The following ACSF3 variants were observed in gnomAD, a reference collection of about 807,000 sequenced individuals.
The protein encoded by ACSF3 is malonate--CoA ligase ACSF3, mitochondrial.
In ACSF3, 78 loss-of-function variants were observed where a neutral mutation model predicts 53.2. The ratio of observed to expected loss-of-function variants is 1.47; its 90% CI spans 1.22 to 1.77. The LOEUF (loss-of-function observed/expected upper bound fraction) is 1.77, where lower values mean the gene tolerates loss of function less well. Ranked by LOEUF, ACSF3 falls within the 40% of genes most tolerant of loss-of-function variation. The pLI, the probability that ACSF3 is intolerant of heterozygous loss-of-function variation, is 0.00. For synonymous variants in ACSF3, 414 were observed against 333.1 expected (o/e 1.24, Z -2.65); for missense variants, 937 against 771.1 (o/e 1.22, Z -2.55).
At position 89,155,400 on chromosome 16, in the gene ACSF3, G is replaced by T. The variant is rs772527375; in HGVS notation, c.*1193G>T. On this transcript the variant is annotated 3_prime_UTR_variant, in exon 11 of 11. Transcript: ENST00000614302. ...GCCCCATCTCAGGCTCACATGCCTC[G>T]CGGACAGTTGGACGTGGCCTGGGGC... 1 of 453,410 alleles carries T rather than the reference G, an allele frequency of 2.2e-6. No homozygotes were observed. Among genetic ancestry groups the T allele is most frequent in the Non-Finnish European group, 4.4e-6 (1 of 226,166 alleles). 28.1% of individuals were successfully genotyped at this position (453,410 alleles called of 1,614,324 possible).
At position 89,154,755 on chromosome 16, in the gene ACSF3, G is replaced by C; in HGVS notation, c.*548G>C. The C allele has an allele frequency of 2.2e-6, 1 of 454,120 alleles. No homozygotes were observed. Among genetic ancestry groups the C allele is most frequent in the Non-Finnish European group, 4.4e-6 (1 of 226,788 alleles). 28.1% of individuals were successfully genotyped at this position (454,120 alleles called of 1,614,324 possible). On this transcript the variant is annotated 3_prime_UTR_variant, in exon 11 of 11. Coordinates refer to ENST00000614302, the MANE Select transcript of ACSF3 (RefSeq NM_001243279.3). ...GTCCCATGGGTTCCGTGCATTTCCT[G>C]GTGCTGCTCTTGGAGGAGAGCAGCT...
chr16:89,105,692 G>A (rs933653860), intron 4 of ACSF3, among the ~76,000 whole-genome samples: 5 of 152,246 alleles, frequency 3.3e-5, no homozygotes, highest in African/African-American at 1.2e-4. Flanking sequence ...GGGCGCTGAC[G>A]GTGGCTGGTC....
At chr16:89,103,645 C>CTA (rs1444104485) in intron 4 of ACSF3, among the ~76,000 whole-genome samples, 1 of 152,202 alleles carries the variant, frequency 6.6e-6, no homozygotes, top group Non-Finnish European at 1.5e-5. Context: ...ACCCTTTGAG[C>CTA]TATGATGTGG....
intron 3 of ACSF3, 108 bp downstream of exon 3, chr16:89,101,455 A>G: frequency 1.3e-6 from 2 of 1,535,706 alleles, no homozygotes; most frequent in South Asian, 2.4e-5. Context: ...AGTCATTCAC[A>G]GTTGTCACCA....
At chr16:89,118,561 A>AAGAGAG (rs34894187) in intron 6 of ACSF3, among the ~76,000 whole-genome samples, 3 of 151,834 alleles carry the variant, frequency 2.0e-5, no homozygotes, top group East Asian at 1.9e-4. Flanking sequence ...CCGTGCTCGG[A>AAGAGAG]AGAGAGAGAA....
rs144841194 is a variant in ACSF3 at position 89,106,216 on chromosome 16, C to T, written c.822+3457C>T. On this transcript the variant is annotated intron_variant, in intron 4 of 10. Transcript: ENST00000614302. ...ACACGGGAAAGCCTCAGACCTTCAACGGACACGGGAAAGCCTCAGACCTTC... is the reference window on the plus strand; with the variant it reads ...ACACGGGAAAGCCTCAGACCTTCAATGGACACGGGAAAGCCTCAGACCTTC... 9.4e-3 allele frequency among the ~76,000 whole-genome samples: 1,435 copies of T among 152,228 alleles called. 12 individuals are homozygous for T. Among genetic ancestry groups the T allele is most frequent in the Middle Eastern group, 0.017 (5 of 294 alleles).
At chr16:89,126,610 A>G (rs1475939358) in intron 7 of ACSF3, among the ~76,000 whole-genome samples, 1 of 152,242 alleles carries the variant, frequency 6.6e-6, no homozygotes, top group Non-Finnish European at 1.5e-5. Flanking sequence ...GTTCATTGCT[A>G]GTAGGTAGAA....
intron 7 of ACSF3, among the ~76,000 whole-genome samples, chr16:89,128,139 A>G (rs1302037116): frequency 6.6e-6 from 1 of 151,724 alleles, no homozygotes; most frequent in Non-Finnish European, 1.5e-5. Context: ...GTGAAGCTTT[A>G]GATTATTGAT....
At chr16:89,118,091 C>G (rs1905615946) in intron 6 of ACSF3, among the ~76,000 whole-genome samples, 2 of 149,826 alleles carry the variant, frequency 1.3e-5, no homozygotes, top group Admixed American at 1.3e-4. Context: ...GACGCTCTCT[C>G]TTCTCTAAGG....
chr16:89,099,855 A>G (rs1213518192), intron 2 of ACSF3, among the ~76,000 whole-genome samples: 1 of 151,868 alleles, frequency 6.6e-6, no homozygotes, highest in Non-Finnish European at 1.5e-5. Context: ...AGAGAAAGGA[A>G]AAAAAGGTGA....
chr16:89,116,047 C>T (rs748434125), intron 6 of ACSF3, among the ~76,000 whole-genome samples: 10 of 152,196 alleles, frequency 6.6e-5, no homozygotes, highest in Non-Finnish European at 1.0e-4. Flanking sequence ...TAAATCCTTG[C>T]GTAGCCCAAA....
At chr16:89,099,288 G>A (rs550975103) in intron 2 of ACSF3, among the ~76,000 whole-genome samples, 30 of 152,346 alleles carry the variant, frequency 2.0e-4, no homozygotes, top group African/African-American at 6.7e-4. Context: ...GCCCACAGGC[G>A]GAGGCACCCT....
intron 4 of ACSF3, among the ~76,000 whole-genome samples, chr16:89,109,984 T>A (rs565059195): frequency 3.9e-5 from 6 of 152,382 alleles, no homozygotes; most frequent in African/African-American, 1.2e-4. Context: ...GTCTTCTTAC[T>A]GAGTTGTAAG....
chr16:89,102,787 C>T (rs1597899254), intron 4 of ACSF3, 28 bp downstream of exon 4: 3 of 1,589,604 alleles, frequency 1.9e-6, no homozygotes, highest in African/African-American at 1.4e-5. Flanking sequence ...CTCTCGGTTG[C>T]ACCCTCAGAC....
chr16:89,154,739 G>A lies in ACSF3; in HGVS notation c.*532G>A, dbSNP rs971167254. ...TCCCAGAACCAGCCCTGTCCCATGG[G>A]TTCCGTGCATTTCCTGGTGCTGCTC... On this transcript the variant is annotated 3_prime_UTR_variant, in exon 11 of 11. Transcript: ENST00000614302. 2 of 454,052 alleles carry A rather than the reference G, an allele frequency of 4.4e-6. No individual in the cohort carries two copies. Among genetic ancestry groups the A allele is most frequent in the African/African-American group, 4.0e-5 (2 of 50,006 alleles). 28.1% of individuals were successfully genotyped at this position (454,052 alleles called of 1,614,324 possible).
intron 6 of ACSF3, chr16:89,114,849 G>T: frequency 2.7e-6 from 1 of 366,102 alleles, no homozygotes; most frequent in Non-Finnish European, 5.3e-6. Context: ...AGTGGTGGCA[G>T]CCTCCGTCTG....
chr16:89,137,213 T>A (rs1910699608), intron 8 of ACSF3, among the ~76,000 whole-genome samples: 1 of 151,454 alleles, frequency 6.6e-6, no homozygotes, highest in Non-Finnish European at 1.5e-5. Flanking sequence ...ACCGAACTCC[T>A]TAGAGAAGAG....
At position 89,100,713 on chromosome 16, in the gene ACSF3, G is replaced by T. The variant is rs781163359; in HGVS notation, c.32G>T (p.Arg11Leu). 1.2e-6 allele frequency: 2 copies of T among 1,601,974 alleles called. No homozygotes were observed. The highest frequency in any genetic ancestry group is 1.7e-4 in the Middle Eastern group (1 of 6,042). MLPHVVLTFR[R>L]LGCALASCRL... is the part of the protein sequence containing the mutation. ...CCCCATGTGGTGCTCACCTTCCGGC[G>T]CCTGGGCTGCGCCTTGGCGTCCTGC... The change falls in exon 3 of 11, where the codon CGC (arginine) becomes CTC (leucine). Residue 11 changes from arginine (R) to leucine (L), a missense_variant. Arg to Leu is a moderately radical substitution (Grantham distance 102). Transcript: ENST00000614302.
chr16:89,143,312 G>A (rs182993920), intron 8 of ACSF3, among the ~76,000 whole-genome samples: 11 of 152,222 alleles, frequency 7.2e-5, no homozygotes, highest in South Asian at 2.1e-4. Context: ...AGAGGGTGCC[G>A]GGGACTTGTC....
Sources: gnomAD v4.1 joint callset for allele counts (sites outside exome capture counted in the v4.1 genomes callset) on GRCh38, gnomAD v4.1.1 for gene constraint, MANE v1.5 for transcripts, NCBI Gene and HGNC (gene_info 2026-07-23, HGNC 2026-07-21) for gene names.